Variants in RERG observed in about 807,000 individuals in gnomAD.
RERG encodes RAS like estrogen regulated growth inhibitor.
Under a neutral mutation model 23.2 loss-of-function variants are expected in RERG, and 25 were observed. The observed-to-expected ratio is 1.08, with a 90% CI of 0.79 to 1.50. The LOEUF (loss-of-function observed/expected upper bound fraction) is 1.50. Among genes scored for constraint, RERG ranks in the 40% most tolerant of loss-of-function variants. The pLI is 0.00. For missense variants in RERG, 253 were observed against 250.1 expected (o/e 1.01, Z -0.08); for synonymous variants, 81 against 89.1 (o/e 0.91, Z 0.51).
intron 2 of RERG, among the ~76,000 whole-genome samples, chr12:15,138,332 A>C (rs1864178888): frequency 6.6e-6 from 1 of 151,986 alleles, no homozygotes; most frequent in Non-Finnish European, 1.5e-5. Context: ...TTTGTACCAC[A>C]GTTGTACCAC....
At chr12:15,220,645 A>G (rs1388700896) in intron 1 of RERG, among the ~76,000 whole-genome samples, 2 of 152,184 alleles carry the variant, frequency 1.3e-5, no homozygotes, top group African/African-American at 4.8e-5. Flanking sequence ...CGTCTTTATA[A>G]GGTAATCATG....
intron 2 of RERG, among the ~76,000 whole-genome samples, chr12:15,194,885 A>G (rs894378745): frequency 6.6e-6 from 1 of 152,058 alleles, no homozygotes; most frequent in Non-Finnish European, 1.5e-5. Context: ...CACTATCTCT[A>G]TAAGACCAAT....
intron 2 of RERG, among the ~76,000 whole-genome samples, chr12:15,207,188 T>C (rs1865303425): frequency 6.6e-6 from 1 of 152,102 alleles, no homozygotes; most frequent in Admixed American, 6.5e-5. Context: ...AATTCTGTGA[T>C]TCAAGTGCCA....
At chr12:15,206,474 T>TGAGTACTC (rs1865292677) in intron 2 of RERG, among the ~76,000 whole-genome samples, 1 of 152,260 alleles carries the variant, frequency 6.6e-6, no homozygotes, top group East Asian at 1.9e-4. Flanking sequence ...AAATGGAAAT[T>TGAGTACTC]GAGTACTCAG....
chr12:15,114,235 C>CA (rs1157770322), intron 3 of RERG, among the ~76,000 whole-genome samples: 33 of 149,928 alleles, frequency 2.2e-4, no homozygotes, highest in South Asian at 2.1e-4. Flanking sequence ...ATGCACAGAC[C>CA]AAAAAAAATG....
intron 2 of RERG, among the ~76,000 whole-genome samples, chr12:15,158,282 T>G (rs1414201832): frequency 2.6e-5 from 4 of 151,986 alleles, no homozygotes; most frequent in Non-Finnish European, 5.9e-5. Flanking sequence ...TCAGTTTTTT[T>G]GTTTTTTTGT....
chr12:15,120,767 C>T (rs1863816768), intron 3 of RERG, among the ~76,000 whole-genome samples: 1 of 152,132 alleles, frequency 6.6e-6, no homozygotes, highest in Non-Finnish European at 1.5e-5. Context: ...CCTCTCTCTC[C>T]CATTAGAATG....
chr12:15,120,585 T>C (rs1260324955), intron 3 of RERG, among the ~76,000 whole-genome samples: 1 of 152,202 alleles, frequency 6.6e-6, no homozygotes, highest in Non-Finnish European at 1.5e-5. Context: ...ATTTTGCTGC[T>C]TCTTCTCTCC....
intron 2 of RERG, among the ~76,000 whole-genome samples, chr12:15,160,244 A>G (rs1484359224): frequency 6.6e-6 from 1 of 152,040 alleles, no homozygotes; most frequent in Non-Finnish European, 1.5e-5. Flanking sequence ...TAGATTGTGT[A>G]TATTTCACGA....
chr12:15,162,001 C>T (rs925433929), intron 2 of RERG, among the ~76,000 whole-genome samples: 4 of 152,042 alleles, frequency 2.6e-5, no homozygotes, highest in Non-Finnish European at 4.4e-5. Context: ...TAAGGAGATT[C>T]GAGAGCATTG....
chr12:15,200,884 A>G (rs1007756295), intron 2 of RERG, among the ~76,000 whole-genome samples: 4 of 151,922 alleles, frequency 2.6e-5, no homozygotes, highest in Non-Finnish European at 4.4e-5. Context: ...AGGATATTTG[A>G]CACGCTTCGC....
chr12:15,179,685 C>T (rs561544097), intron 2 of RERG, among the ~76,000 whole-genome samples: 11 of 152,188 alleles, frequency 7.2e-5, no homozygotes, highest in South Asian at 2.1e-4. Context: ...AAAATGCCTA[C>T]GGGTTTTTGT....
chr12:15,180,256 AAAAAT>A (rs1224755376), intron 2 of RERG, among the ~76,000 whole-genome samples: 1 of 152,202 alleles, frequency 6.6e-6, no homozygotes, highest in Non-Finnish European at 1.5e-5. Flanking sequence ...TTATAAAATC[AAAAAT>A]AAAAATGTAG....
chr12:15,133,695 CTTT>C (rs1864093720), intron 2 of RERG, among the ~76,000 whole-genome samples: 1 of 147,744 alleles, frequency 6.8e-6, no homozygotes, highest in African/African-American at 2.5e-5. Flanking sequence ...AGCTACACCA[CTTT>C]TGATCCCCAC....
At chr12:15,150,414 A>T (rs1442091639) in intron 2 of RERG, among the ~76,000 whole-genome samples, 1 of 152,194 alleles carries the variant, frequency 6.6e-6, no homozygotes, top group African/African-American at 2.4e-5. Flanking sequence ...TGGGCAAGTC[A>T]TTGGAGCTCT....
At chr12:15,109,951 GTTTA>G (rs1292950945) in intron 4 of RERG, among the ~76,000 whole-genome samples, 1 of 151,970 alleles carries the variant, frequency 6.6e-6, no homozygotes, top group Non-Finnish European at 1.5e-5. Flanking sequence ...ATGCATTTTG[GTTTA>G]TTTATTATTT....
chr12:15,121,830 T>C (rs907821499), intron 2 of RERG, among the ~76,000 whole-genome samples: 9 of 152,160 alleles, frequency 5.9e-5, no homozygotes, highest in Non-Finnish European at 1.5e-5. Context: ...CTGCTAAGGA[T>C]CTGAATCCAG....
rs35663043 is a variant in RERG, at chr12:15,151,446, T to C, written c.62-30327A>G. Among the ~76,000 whole-genome samples the C allele has an allele frequency of 1.5e-3, 230 of 152,282 alleles. 1 individual carries two copies. The highest frequency in any genetic ancestry group is 0.01 in the Middle Eastern group (3 of 294). ...AGCAATTTAATGACTTTGAAAGTAA[T>C]AAGTGGTAGAAACTGATATTCACTT... is the stretch of plus-strand genomic sequence containing the variant. On this transcript the variant is annotated intron_variant, in intron 2 of 4. Transcript: ENST00000256953.
At chr12:15,156,149 C>T (rs981368196) in intron 2 of RERG, among the ~76,000 whole-genome samples, 6 of 151,914 alleles carry the variant, frequency 3.9e-5, no homozygotes, top group Non-Finnish European at 5.9e-5. Context: ...TTAATGATGA[C>T]GAAAAATAAC....
Sources: allele counts gnomAD v4.1 joint callset (sites outside exome capture counted in the v4.1 genomes callset), GRCh38; gene constraint gnomAD v4.1.1; transcripts MANE v1.5; gene names NCBI Gene and HGNC (gene_info 2026-07-23, HGNC 2026-07-21).